GYS2: variants seen among roughly 807,000 people sequenced by gnomAD.
The protein encoded by GYS2 is glycogen [starch] synthase, liver.
A neutral mutation model predicts 85.6 loss-of-function variants in GYS2; 80 were observed. The observed-to-expected ratio is 0.93, with a 90% CI of 0.78 to 1.13. GYS2 has a LOEUF of 1.13. Among genes scored for constraint, GYS2 ranks in the 50% most tolerant of loss-of-function variants. GYS2 has a pLI of 0.00. For synonymous variants in GYS2, 328 were observed against 300.7 expected, an observed-to-expected ratio of 1.09 and a Z score of -0.94; for missense variants, 881 against 854.9, an observed-to-expected ratio of 1.03 and a Z score of -0.38.
intron 12 of GYS2, among the ~76,000 whole-genome samples, 189 bp downstream of exon 12, chr12:21,546,155 C>T (rs980997395): frequency 6.6e-6 from 1 of 152,062 alleles, no homozygotes; most frequent in Non-Finnish European, 1.5e-5. Flanking sequence ...TAATCTTCAT[C>T]CTTATTCTTA....
intron 1 of GYS2, among the ~76,000 whole-genome samples, chr12:21,584,298 G>T (rs1365307733): frequency 6.9e-6 from 1 of 145,156 alleles, no homozygotes; most frequent in African/African-American, 2.6e-5. Flanking sequence ...TGATGACAAA[G>T]AAATTTGGGG....
At chr12:21,591,173 G>T (rs1245207744) in intron 1 of GYS2, among the ~76,000 whole-genome samples, 1 of 151,876 alleles carries the variant, frequency 6.6e-6, no homozygotes, top group African/African-American at 2.4e-5. Context: ...CTGGAAAAAA[G>T]AATCCAAAAT....
chr12:21,551,506 C>A (rs1944110661), intron 11 of GYS2, among the ~76,000 whole-genome samples: 2 of 97,364 alleles, frequency 2.1e-5, no homozygotes, highest in South Asian at 8.9e-4. Flanking sequence ...TATCATATGC[C>A]AAGGATTAAA....
intron 5 of GYS2, among the ~76,000 whole-genome samples, chr12:21,567,706 C>T (rs1001918536): frequency 6.6e-6 from 1 of 151,954 alleles, no homozygotes. Context: ...AGTATAATAA[C>T]AAGGAATTTA....
Position 21,558,132 on chromosome 12 carries a change from GCT to G in GYS2, c.1422+66_1422+67del. On this transcript the variant is annotated intron_variant, in intron 11 of 15. Coordinates refer to ENST00000261195, the MANE Select transcript of GYS2 (RefSeq NM_021957.4). ...GTAGATGTAAAAACAACTAAGGAAA[GCT>G]AATAAATTCTCAGAAAATATATTTT... 3.2e-6 allele frequency: 3 copies of G among 944,344 alleles called. No individual in the cohort carries two copies. In the South Asian group the frequency reaches 4.1e-5, roughly 13 times the overall value. 58.5% of individuals were successfully genotyped at this position (944,344 alleles called of 1,614,324 possible). A position where few individuals can be genotyped will look rare whatever the true frequency, so the allele number is the denominator to read the frequency against.
chr12:21,586,566 CA>C (rs1026824768), intron 1 of GYS2, among the ~76,000 whole-genome samples: 5 of 151,402 alleles, frequency 3.3e-5, no homozygotes, highest in East Asian at 1.9e-4. Context: ...CAATAAACGT[CA>C]AAAAAAAGTT....
Position 21,558,075 on chromosome 12 carries a change from C to A in GYS2, c.1422+125G>T, listed in dbSNP as rs7967170. 0.76 allele frequency: 534,563 copies of A among 701,202 alleles called. 205,193 individuals are homozygous for A. Among genetic ancestry groups the A allele is most frequent in the South Asian group, 0.79 (48,733 of 61,800 alleles). The allele number at this position is 701,202 out of a possible 1,614,324, so 43.4% of individuals were successfully genotyped here. A position where few individuals can be genotyped will look rare whatever the true frequency, so the allele number is the denominator to read the frequency against. The stretch of plus-strand genomic sequence containing the variant: ...GTTATCCAAGACAAGAAACTGAACC[C>A]ATTTTCCTTTAAAATACTTAAAATA... On this transcript the variant is annotated intron_variant, in intron 11 of 15. Transcript: ENST00000261195.
Position 21,574,246 on chromosome 12 carries a change from T to C in GYS2, c.576A>G (p.Arg192=). Residue 192 remains arginine (R), a synonymous_variant, in exon 4 of 16, where the codon CGA becomes CGG. Transcript: ENST00000261195. ...TTGTGGCAATAGGAAGTTTCCTGGC[T>C]CGAGAAAGGATCAGTCCAATTCCAG... The part of the protein sequence containing the change: ...WQAGIGLILS[R]ARKLPIATIF... 1.2e-6 allele frequency: 2 copies of C among 1,613,790 alleles called. No individual in the cohort carries two copies. Among genetic ancestry groups the C allele is most frequent in the Admixed American group, 1.7e-5 (1 of 60,022 alleles).
intron 12 of GYS2, among the ~76,000 whole-genome samples, chr12:21,544,374 T>C (rs192789205): frequency 2.4e-4 from 36 of 152,344 alleles, no homozygotes; most frequent in Non-Finnish European, 4.4e-4. Context: ...ATATCTCCTC[T>C]ATCATTTTGG....
chr12:21,537,327 C>A (rs1354047884), intron 15 of GYS2, 152 bp from the exon 16 acceptor site: 2 of 671,592 alleles, frequency 3.0e-6, no homozygotes, highest in Non-Finnish European at 5.4e-6. Flanking sequence ...GATTTTGATA[C>A]CACCAATCTC....
chr12:21,562,065 G>T (rs1256817595), intron 7 of GYS2, among the ~76,000 whole-genome samples: 1 of 152,144 alleles, frequency 6.6e-6, no homozygotes, highest in Non-Finnish European at 1.5e-5. Context: ...GCCATCAATA[G>T]CTATGACATG....
chr12:21,567,009 A>G (rs1944328700), intron 5 of GYS2, among the ~76,000 whole-genome samples: 1 of 152,212 alleles, frequency 6.6e-6, no homozygotes, highest in Non-Finnish European at 1.5e-5. Context: ...TTATACTGGA[A>G]AGAAAGTAGA....
In GYS2 at chr12:21,563,310, A is replaced by C; in HGVS notation, c.859T>G (p.Phe287Val). 6.2e-7 allele frequency: 1 copy of C among 1,609,120 alleles called. No homozygotes were observed. The highest frequency in any genetic ancestry group is 8.5e-7 in the Non-Finnish European group (1 of 1,175,556). The change falls in exon 6 of 16, where the codon TTT (phenylalanine) becomes GTT (valine). Residue 287 changes from phenylalanine (F) to valine (V), a missense_variant. Phe to Val is a conservative substitution (Grantham distance 50). Transcript: ENST00000261195. ...TTTTGAAACTCATGCACTGCTGAAA[A>C]TTTCTTAACATTCAAGCCGTTTGGA... ...VTPNGLNVKK[F>V]SAVHEFQNLH...
intron 4 of GYS2, among the ~76,000 whole-genome samples, chr12:21,571,068 G>A (rs938463832): frequency 3.9e-5 from 6 of 152,114 alleles, no homozygotes; most frequent in South Asian, 4.2e-4. Flanking sequence ...TTAACATTTG[G>A]ACATTTAGAG....
At chr12:21,564,844 G>A (rs1022650161) in intron 5 of GYS2, among the ~76,000 whole-genome samples, 9 of 151,982 alleles carry the variant, frequency 5.9e-5, no homozygotes, top group African/African-American at 1.7e-4. Context: ...TACAAATAAC[G>A]AAACTGGCCT....
rs1944787652 is a variant in GYS2, at chr12:21,604,652, G to A, written c.-60C>T. 2.5e-6 allele frequency: 4 copies of A among 1,607,848 alleles called. No individual in the cohort carries two copies. The South Asian group carries it at 3.3e-5, about 13-fold the overall frequency. On this transcript the variant is annotated 5_prime_UTR_variant, in exon 1 of 16. Transcript: ENST00000261195. ...CTGTTTCAATTAGTTGTAATCCCAG[G>A]AGAAGAGAACTTACAGGCACAAAAG...
At chr12:21,558,166 G>A in intron 11 of GYS2, 34 bp downstream of exon 11, 1 of 1,201,042 alleles carries the variant, frequency 8.3e-7, no homozygotes, top group Non-Finnish European at 1.2e-6. Context: ...TTTTAAGTAA[G>A]TTTAAAGTTC....
At chr12:21,556,612 T>C (rs1417438318) in intron 11 of GYS2, among the ~76,000 whole-genome samples, 1 of 152,240 alleles carries the variant, frequency 6.6e-6, no homozygotes, top group Non-Finnish European at 1.5e-5. Context: ...TCAAGTTCTA[T>C]ATCTCACATG....
chr12:21,554,143 G>A (rs1313534160), intron 11 of GYS2, among the ~76,000 whole-genome samples: 1 of 151,456 alleles, frequency 6.6e-6, no homozygotes, highest in Non-Finnish European at 1.5e-5. Context: ...AAGGAAGCGA[G>A]GAAGGAAGGA....
Sources: allele counts gnomAD v4.1 joint callset (sites outside exome capture counted in the v4.1 genomes callset), GRCh38; gene constraint gnomAD v4.1.1; transcripts MANE v1.5; gene names NCBI Gene and HGNC (gene_info 2026-07-23, HGNC 2026-07-21).